Variants in OLFM3 observed in about 807,000 individuals in gnomAD.
OLFM3 encodes the protein olfactomedin 3.
Under a neutral mutation model 48.6 loss-of-function variants are expected in OLFM3, and 20 were observed. That is an observed-to-expected ratio of 0.41 (90% CI 0.29 to 0.60). The LOEUF is 0.60. Ranked by LOEUF, OLFM3 falls within the 20% of genes least tolerant of loss-of-function variation. The pLI, the probability that OLFM3 is intolerant of heterozygous loss-of-function variation, is 0.28. For synonymous variants in OLFM3, 222 were observed against 198.1 expected, an observed-to-expected ratio of 1.12 and a Z score of -1.01; for missense variants, 437 against 544.3, an observed-to-expected ratio of 0.80 and a Z score of 1.96.
intron 1 of OLFM3, among the ~76,000 whole-genome samples, chr1:101,863,575 T>G (rs1460908866): frequency 1.3e-5 from 2 of 152,184 alleles, no homozygotes; most frequent in East Asian, 3.8e-4. Context: ...TCATATACTC[T>G]GAAACATTGT....
intron 1 of OLFM3, among the ~76,000 whole-genome samples, chr1:101,976,437 T>G (rs770374948): frequency 5.3e-5 from 8 of 152,186 alleles, no homozygotes; most frequent in Non-Finnish European, 7.4e-5. Flanking sequence ...CTTACATAAT[T>G]GGTACCCTAA....
chr1:101,918,319 A>C (rs1658988925), intron 1 of OLFM3, among the ~76,000 whole-genome samples: 1 of 152,212 alleles, frequency 6.6e-6, no homozygotes, highest in African/African-American at 2.4e-5. Flanking sequence ...AAAAGAACAC[A>C]AATTAATATC....
chr1:101,958,235 T>C (rs1424410217), intron 1 of OLFM3, among the ~76,000 whole-genome samples: 1 of 152,108 alleles, frequency 6.6e-6, no homozygotes, highest in Admixed American at 6.6e-5. Context: ...TTTTATTAGC[T>C]TGAAAGTTTT....
intron 1 of OLFM3, chr1:101,893,492 A>C (rs2101008222): frequency 3.4e-6 from 1 of 297,880 alleles, no homozygotes. Context: ...ATGGCCAGAA[A>C]ATAACATCTC....
chr1:101,844,724 A>T (rs1395454021), intron 1 of OLFM3, among the ~76,000 whole-genome samples: 1 of 152,148 alleles, frequency 6.6e-6, no homozygotes, highest in African/African-American at 2.4e-5. Context: ...TCTCCCAATC[A>T]TTTATTATCT....
intron 1 of OLFM3, among the ~76,000 whole-genome samples, chr1:101,902,417 T>C (rs1014466814): frequency 1.7e-4 from 26 of 151,850 alleles, no homozygotes; most frequent in African/African-American, 5.1e-4. Flanking sequence ...CTTGGAATAG[T>C]AGCATCACAG....
At chr1:101,875,880 G>C (rs1467728434) in intron 1 of OLFM3, among the ~76,000 whole-genome samples, 1 of 152,022 alleles carries the variant, frequency 6.6e-6, no homozygotes, top group Non-Finnish European at 1.5e-5. Flanking sequence ...ATGTCACAAA[G>C]TAGATTTCAG....
intron 1 of OLFM3, among the ~76,000 whole-genome samples, chr1:101,921,161 A>C (rs1381636698): frequency 1.3e-5 from 2 of 151,690 alleles, no homozygotes; most frequent in Non-Finnish European, 2.9e-5. Context: ...GATATATAAC[A>C]ATTAAATTAT....
Position 101,934,070 on chromosome 1 carries a change from A to G in OLFM3, c.69+62678T>C, listed in dbSNP as rs991322188. 1.4e-4 allele frequency among the ~76,000 whole-genome samples: 22 copies of G among 152,360 alleles called. 1 individual carries two copies. Among genetic ancestry groups the G allele is most frequent in the African/African-American group, 3.4e-4 (14 of 41,580 alleles). ...GCAATCATACAATCATGTCTGCATA[A>G]TAACCAGTTAAAAACATAATGTCAG... On this transcript the variant is annotated intron_variant, in intron 1 of 5. Coordinates refer to ENST00000370103, the MANE Select transcript of OLFM3 (RefSeq NM_058170.4).
At chr1:101,813,087 T>C (rs781263289) in intron 4 of OLFM3, 318 of 1,286,984 alleles carry the variant, frequency 2.5e-4, no homozygotes, top group Non-Finnish European at 3.2e-4. Context: ...CAAAATACTA[T>C]TGCTTATGCT....
intron 1 of OLFM3, among the ~76,000 whole-genome samples, chr1:101,988,915 T>TATATATA (rs1661323186): frequency 2.0e-5 from 3 of 152,044 alleles, no homozygotes; most frequent in African/African-American, 7.2e-5. Flanking sequence ...TTTTGCAAAT[T>TATATATA]TGGGGTAGGG....
intron 1 of OLFM3, among the ~76,000 whole-genome samples, chr1:101,896,587 C>G (rs1243987802): frequency 6.8e-6 from 1 of 147,856 alleles, no homozygotes; most frequent in East Asian, 2.0e-4. Flanking sequence ...CTCCGCCTCT[C>G]CGGTTCACGC....
chr1:101,886,673 T>C (rs1657774560), intron 1 of OLFM3, among the ~76,000 whole-genome samples: 1 of 151,960 alleles, frequency 6.6e-6, no homozygotes, highest in Admixed American at 6.6e-5. Flanking sequence ...ATGAAAGACC[T>C]CCAAATGAAA....
chr1:101,983,694 C>A (rs72731676), intron 1 of OLFM3, among the ~76,000 whole-genome samples: 37,695 of 152,118 alleles, frequency 0.25, 5,239 homozygotes, highest in Middle Eastern at 0.36. Flanking sequence ...TTTCTTTATA[C>A]ATTTTCTTAA....
intron 1 of OLFM3, among the ~76,000 whole-genome samples, chr1:101,929,479 C>T (rs1013089787): frequency 4.6e-5 from 7 of 152,074 alleles, no homozygotes; most frequent in Non-Finnish European, 8.8e-5. Flanking sequence ...TTTCTCCCCA[C>T]TCTGGCAGAT....
At chr1:101,956,505 C>G (rs769129349) in intron 1 of OLFM3, among the ~76,000 whole-genome samples, 3 of 151,854 alleles carry the variant, frequency 2.0e-5, no homozygotes, top group Non-Finnish European at 4.4e-5. Context: ...TAGGAAATAT[C>G]TATTTCTCTT....
chr1:101,970,368 C>G (rs534962145), intron 1 of OLFM3, among the ~76,000 whole-genome samples: 34 of 152,204 alleles, frequency 2.2e-4, no homozygotes, highest in Middle Eastern at 3.4e-3. Context: ...TCAGATATAG[C>G]TATAAAAATA....
intron 1 of OLFM3, among the ~76,000 whole-genome samples, chr1:101,863,769 C>A (rs919161003): frequency 2.6e-5 from 4 of 152,130 alleles, no homozygotes; most frequent in South Asian, 2.1e-4. Flanking sequence ...CAAACGCTGT[C>A]TGCTAAAGTG....
chr1:101,939,075 A>T (rs1659708447), intron 1 of OLFM3, among the ~76,000 whole-genome samples: 1 of 150,830 alleles, frequency 6.6e-6, no homozygotes, highest in South Asian at 2.1e-4. Context: ...TGCAATGCTT[A>T]AAAAAAAATC....
Sources: gnomAD v4.1 joint callset for allele counts (sites outside exome capture counted in the v4.1 genomes callset) on GRCh38, gnomAD v4.1.1 for gene constraint, MANE v1.5 for transcripts, NCBI Gene and HGNC (gene_info 2026-07-23, HGNC 2026-07-21) for gene names.